Variants in ABCC10 observed in about 807,000 individuals in gnomAD.
The protein encoded by ABCC10 is ATP binding cassette subfamily C member 10.
Under a neutral mutation model 143.2 loss-of-function variants are expected in ABCC10, and 110 were observed. That is an observed-to-expected ratio of 0.77 (90% confidence interval 0.66 to 0.90). ABCC10 has a LOEUF of 0.90. Ranked by LOEUF, ABCC10 falls within the 40% of genes least tolerant of loss-of-function variation. The pLI is 0.00. For synonymous variants in ABCC10, 805 were observed against 846.7 expected (o/e 0.95, Z 0.85); for missense variants, 1,700 against 1,900.5 (o/e 0.89, Z 1.96).
At chr6:43,427,917 G>T in intron 1 of ABCC10, 51 bp from the exon 2 acceptor site, 1 of 1,600,102 alleles carries the variant, frequency 6.2e-7, no homozygotes. Context: ...GGAAGTGCAG[G>T]CAAAGCCGGC....
At chr6:43,446,785 T>A in intron 16 of ABCC10, 1 of 1,179,842 alleles carries the variant, frequency 8.5e-7, no homozygotes, top group Non-Finnish European at 1.1e-6. Context: ...CCCCCTGCCC[T>A]GCATCTGGCC....
Position 43,445,513 on chromosome 6 carries a change from C to T in ABCC10, c.3031-86C>T. The T allele has an allele frequency of 4.9e-6, 7 of 1,434,072 alleles. No individual in the cohort carries two copies. In the South Asian group the frequency reaches 8.8e-5, roughly 18 times the overall value. The allele number at this position is 1,434,072 out of a possible 1,614,324, so 88.8% of individuals were successfully genotyped here. A position where few individuals can be genotyped will look rare whatever the true frequency, so the allele number is the denominator to read the frequency against. On this transcript the variant is annotated intron_variant, in intron 14 of 21. Transcript: ENST00000372530. ...TTCCCTATTCTCTATCTTGGGCCTT[C>T]CCCTCCACCCCACCTCCCCCAGTGC...
chr6:43,447,125 C>T (rs1477219232), intron 16 of ABCC10, 123 bp from the exon 17 acceptor site: 13 of 1,288,652 alleles, frequency 1.0e-5, no homozygotes, highest in Admixed American at 6.6e-5. Flanking sequence ...GAATTACAGG[C>T]GTGAGCCACC....
intron 8 of ABCC10, among the ~76,000 whole-genome samples, chr6:43,440,863 C>CA (rs35261029): frequency 0.62 from 64,227 of 104,026 alleles, 18,231 homozygotes; most frequent in Non-Finnish European, 0.68. Context: ...GACTCCGTCT[C>CA]AAAAAAAAAA....
rs1376706540 is a variant in ABCC10 at position 43,435,850 on chromosome 6, C to T, written c.1708C>T (p.Arg570Trp). 7 of 1,614,130 alleles carry T rather than the reference C, an allele frequency of 4.3e-6. No homozygotes were observed. The highest frequency in any genetic ancestry group is 1.6e-4 in the Middle Eastern group (1 of 6,062). The change falls in exon 5 of 22, where the codon CGG (arginine) becomes TGG (tryptophan). Residue 570 changes from arginine to tryptophan, a missense_variant. By Grantham distance (101) the Arg-to-Trp change is moderately radical. Coordinates refer to ENST00000372530, the MANE Select transcript of ABCC10 (RefSeq NM_001198934.2). ...CCTGGAGGCCAAAGTGTCCTTGGAC[C>T]GGATCCAGCTTTTCCTCGACCTTCC... ...GLLEAKVSLD[R>W]IQLFLDLPNH...
chr6:43,451,263 C>T (rs367675670), downstream of ABCC10: 21 of 1,613,624 alleles, frequency 1.3e-5, no homozygotes, highest in East Asian at 2.2e-5. This position sits in a 1 kb window ranked among gnomAD's most constrained non-coding sequence, Gnocchi z 4.4. Context: ...CCCGCCATTG[C>T]GGCATGGGGA....
intron 15 of ABCC10, 137 bp from the exon 16 acceptor site, chr6:43,446,140 C>T (rs975234071): frequency 1.7e-6 from 2 of 1,190,772 alleles, no homozygotes; most frequent in African/African-American, 3.1e-5. Flanking sequence ...CATCTGCAGC[C>T]CTGAGGGAGG....
intron 16 of ABCC10, chr6:43,446,709 C>T: frequency 7.6e-7 from 1 of 1,313,038 alleles, no homozygotes; most frequent in Middle Eastern, 2.9e-4. Context: ...CCACCCCGTC[C>T]CCACCACACT....
intron 3 of ABCC10, among the ~76,000 whole-genome samples, chr6:43,434,019 C>T (rs6911779): frequency 0.038 from 5,816 of 152,300 alleles, 355 homozygotes; most frequent in African/African-American, 0.13. Context: ...CAGAGTGCTC[C>T]TGGAGGGAAG....
intron 8 of ABCC10, among the ~76,000 whole-genome samples, chr6:43,440,878 A>AC (rs1243747630): frequency 7.0e-6 from 1 of 141,998 alleles, no homozygotes; most frequent in African/African-American, 2.6e-5. Flanking sequence ...AAAAAAAAAT[A>AC]CCAGACCACC....
At chr6:43,430,240 G>A (rs1431796916) in intron 2 of ABCC10, among the ~76,000 whole-genome samples, 1 of 151,820 alleles carries the variant, frequency 6.6e-6, no homozygotes, top group Non-Finnish European at 1.5e-5. Flanking sequence ...ACAGGCATGT[G>A]CCACCATGCC....
chr6:43,444,383 C>T lies in ABCC10; in HGVS notation c.2689+30C>T, dbSNP rs567683160. 26 of 1,569,280 alleles carry T rather than the reference C, an allele frequency of 1.7e-5. No homozygotes were observed. In the Admixed American group the frequency reaches 2.4e-4, roughly 15 times the overall value. On this transcript the variant is annotated intron_variant, in intron 12 of 21. Transcript: ENST00000372530. ...GAGCGTGCCTGGGAGTCTCTTACAT[C>T]GTAACGGCTGTGCTGTCTAGGTGCC...
chr6:43,433,568 C>T (rs1781365962), intron 3 of ABCC10, among the ~76,000 whole-genome samples: 2 of 152,232 alleles, frequency 1.3e-5, no homozygotes, highest in African/African-American at 4.8e-5. Context: ...TTTGGGCTTC[C>T]CCTTCCTCAT....
At chr6:43,442,946 C>T (rs751774663) in intron 9 of ABCC10, 24 bp from the exon 10 acceptor site, 2 of 1,543,338 alleles carry the variant, frequency 1.3e-6, no homozygotes, top group African/African-American at 1.4e-5. Flanking sequence ...TCCTGGTGCC[C>T]ACGGTACCCT....
chr6:43,438,359 G>A, intron 7 of ABCC10: 1 of 1,415,988 alleles, frequency 7.1e-7, no homozygotes, highest in Admixed American at 2.9e-5. Flanking sequence ...ACAATGTGGT[G>A]GCCATACTCT....
intron 8 of ABCC10, among the ~76,000 whole-genome samples, chr6:43,441,647 G>C (rs1205097403): frequency 1.3e-5 from 2 of 152,236 alleles, no homozygotes; most frequent in East Asian, 3.8e-4. Context: ...TTGAATGAGA[G>C]AATGCCTGTA....
downstream of ABCC10, chr6:43,450,815 C>CT (rs1196231289): frequency 6.2e-7 from 1 of 1,614,226 alleles, no homozygotes; most frequent in Non-Finnish European, 8.5e-7. The surrounding 1 kb of genome is among the most constrained non-coding windows in gnomAD (Gnocchi z 4.5). Context: ...GCACCACCTC[C>CT]TTCACTGAGA....
Position 43,432,220 on chromosome 6 carries a change from G to T in ABCC10, c.240G>T (p.Pro80=), listed in dbSNP as rs146117041. ...CTTCCTTCCTGCTTTCCGTCTTCCCGCTGCTAGACCTTCTTCCAGTTGCTT... is the reference window on the plus strand; with the variant it reads ...CTTCCTTCCTGCTTTCCGTCTTCCCTCTGCTAGACCTTCTTCCAGTTGCTT... The part of the protein sequence containing the change: ...LAASFLLSVF[P]LLDLLPVALP... The change falls in exon 3 of 22, where the codon CCG becomes CCT. Residue 80 remains proline (P), a synonymous_variant. Coordinates refer to ENST00000372530, the MANE Select transcript of ABCC10 (RefSeq NM_001198934.2). 3.1e-4 allele frequency: 494 copies of T among 1,614,198 alleles called. No homozygotes were observed. The highest frequency in any genetic ancestry group is 9.5e-4 in the Admixed American group (57 of 60,026).
In ABCC10 at chr6:43,450,250, TC is replaced by T; in HGVS notation, c.*161del. ...CCCTGGATTACTCTTTGGAAATCAC[TC>T]CTTGGTGGGCAGCATCCTGAGGCTT... On this transcript the variant is annotated 3_prime_UTR_variant, in exon 22 of 22. Transcript: ENST00000372530. This position sits in a 1 kb window ranked among gnomAD's most constrained non-coding sequence, Gnocchi z 4.5. 1 of 983,630 alleles carries T rather than the reference TC, an allele frequency of 1.0e-6. No homozygotes were observed. Among genetic ancestry groups the T allele is most frequent in the Non-Finnish European group, 1.5e-6 (1 of 687,112 alleles). 60.9% of individuals were successfully genotyped at this position (983,630 alleles called of 1,614,324 possible). A position where few individuals can be genotyped will look rare whatever the true frequency, so the allele number is the denominator to read the frequency against.
Sources: allele counts gnomAD v4.1 joint callset (sites outside exome capture counted in the v4.1 genomes callset), GRCh38; gene constraint gnomAD v4.1.1; non-coding constraint Gnocchi (gnomAD v3.1); transcripts MANE v1.5; gene names NCBI Gene and HGNC (gene_info 2026-07-23, HGNC 2026-07-21).